SEPTIN7: variants seen among roughly 807,000 people sequenced by gnomAD.
SEPTIN7 encodes the protein septin-7.
Under a neutral mutation model 63.3 loss-of-function variants are expected in SEPTIN7, and 10 were observed. The ratio of observed to expected loss-of-function variants is 0.16; its 90% CI spans 0.10 to 0.27. SEPTIN7 has a LOEUF of 0.27. Ranked by LOEUF, SEPTIN7 falls within the 10% of genes least tolerant of loss-of-function variation. The pLI is 1.00. For synonymous variants in SEPTIN7, 131 were observed against 165.3 expected (o/e 0.79, Z 1.59); for missense variants, 310 against 521.0 (o/e 0.59, Z 3.94).
chr7:35,860,300 T>C (rs1384980010), intron 3 of SEPTIN7, among the ~76,000 whole-genome samples: 2 of 152,166 alleles, frequency 1.3e-5, no homozygotes, highest in East Asian at 1.9e-4. Flanking sequence ...TTATTATACA[T>C]TATGTACCTA....
chr7:35,827,466 C>T (rs1314482161), intron 1 of SEPTIN7, among the ~76,000 whole-genome samples: 1 of 152,028 alleles, frequency 6.6e-6, no homozygotes, highest in African/African-American at 2.4e-5. Flanking sequence ...TATGACAAGT[C>T]TATATGTTTT....
chr7:35,870,436 T>C (rs1201546797), intron 4 of SEPTIN7, among the ~76,000 whole-genome samples: 1 of 152,238 alleles, frequency 6.6e-6, no homozygotes, highest in Non-Finnish European at 1.5e-5. Context: ...AGATGATTCA[T>C]GTAGATTTAC....
chr7:35,909,672 A>G (rs1788703891), downstream of SEPTIN7, among the ~76,000 whole-genome samples: 1 of 152,236 alleles, frequency 6.6e-6, no homozygotes. Flanking sequence ...AATACAGAGC[A>G]TTCACATAGA....
intron 6 of SEPTIN7, among the ~76,000 whole-genome samples, chr7:35,874,756 T>G (rs889932269): frequency 5.3e-5 from 8 of 152,168 alleles, no homozygotes; most frequent in Non-Finnish European, 1.2e-4. Flanking sequence ...ATGTTTGCAC[T>G]GCCAGATTGT....
intron 1 of SEPTIN7, among the ~76,000 whole-genome samples, chr7:35,820,571 A>T (rs1036884380): frequency 4.6e-5 from 7 of 152,142 alleles, no homozygotes; most frequent in African/African-American, 1.2e-4. Context: ...CAGAATTTTT[A>T]AAAAATTATC....
chr7:35,853,512 T>G (rs1785061177), intron 3 of SEPTIN7, among the ~76,000 whole-genome samples: 3 of 152,172 alleles, frequency 2.0e-5, no homozygotes, highest in Admixed American at 6.5e-5. Context: ...ATAGTATGAT[T>G]AAGGACATGA....
intron 4 of SEPTIN7, among the ~76,000 whole-genome samples, chr7:35,870,277 T>C (rs1786065726): frequency 6.6e-6 from 1 of 152,202 alleles, no homozygotes; most frequent in Non-Finnish European, 1.5e-5. Context: ...ATTAAGTTGT[T>C]GAACTGATTT....
chr7:35,872,811 C>T, intron 5 of SEPTIN7, 45 bp downstream of exon 5: 1 of 1,295,732 alleles, frequency 7.7e-7, no homozygotes, highest in South Asian at 1.2e-5. Flanking sequence ...ATTTGGGGTA[C>T]TGGGGTGGTT....
At chr7:35,810,982 T>C (rs1247404795) in intron 1 of SEPTIN7, among the ~76,000 whole-genome samples, 2 of 151,726 alleles carry the variant, frequency 1.3e-5, no homozygotes, top group Non-Finnish European at 2.9e-5. Flanking sequence ...TTGGCCAGAC[T>C]GGTATCGAAC....
At chr7:35,875,145 T>C (rs1277866899) in intron 6 of SEPTIN7, among the ~76,000 whole-genome samples, 2 of 152,194 alleles carry the variant, frequency 1.3e-5, no homozygotes, top group Non-Finnish European at 2.9e-5. Flanking sequence ...TTTCCTAAAA[T>C]TGCATGGGAA....
At position 35,844,043 on chromosome 7, in the gene SEPTIN7, TC is replaced by T. The variant is rs1341689641; in HGVS notation, c.169+11145del. ...GATGAGCTCTTTCATAGCATGCTTG[TC>T]CTGGTTCAGAGGGTAAATTTTAATT... On this transcript the variant is annotated intron_variant, in intron 3 of 13. Transcript: ENST00000350320. Among the ~76,000 whole-genome samples the T allele has an allele frequency of 2.0e-5, 3 of 152,346 alleles. No homozygotes were observed. The East Asian group carries it at 5.8e-4, about 29-fold the overall frequency.
chr7:35,810,409 C>T (rs1251628204), intron 1 of SEPTIN7, among the ~76,000 whole-genome samples: 8 of 151,644 alleles, frequency 5.3e-5, no homozygotes, highest in East Asian at 3.9e-4. Flanking sequence ...TTGCCAGCTC[C>T]GCCTCCCACG....
At chr7:35,897,813 A>G (rs748731099) in intron 11 of SEPTIN7, among the ~76,000 whole-genome samples, 1 of 152,180 alleles carries the variant, frequency 6.6e-6, no homozygotes, top group Non-Finnish European at 1.5e-5. Context: ...TTGTGTTGTT[A>G]GTAGCTGTCT....
chr7:35,830,160 G>A (rs1209083791), intron 1 of SEPTIN7, among the ~76,000 whole-genome samples: 1 of 151,472 alleles, frequency 6.6e-6, no homozygotes, highest in Non-Finnish European at 1.5e-5. Flanking sequence ...CCCAGCCTGG[G>A]CAACACAGTG....
intron 1 of SEPTIN7, among the ~76,000 whole-genome samples, chr7:35,806,677 C>T (rs992022390): frequency 3.3e-5 from 5 of 152,170 alleles, no homozygotes; most frequent in African/African-American, 1.2e-4. Flanking sequence ...TTCTTGTGCC[C>T]TGTTGGAGTT....
chr7:35,810,553 G>C (rs1187256212), intron 1 of SEPTIN7, among the ~76,000 whole-genome samples: 4 of 152,036 alleles, frequency 2.6e-5, no homozygotes. Context: ...TCAATCTCCT[G>C]ACCTCATGAT....
intron 1 of SEPTIN7, among the ~76,000 whole-genome samples, chr7:35,821,717 T>C (rs531577441): frequency 2.6e-5 from 4 of 152,340 alleles, no homozygotes; most frequent in African/African-American, 9.6e-5. Flanking sequence ...CCAAAAGTCA[T>C]GTAGGAGAGT....
At chr7:35,915,102 C>T in the SEPTIN7 span, among the ~76,000 whole-genome samples, 5 of 151,314 alleles carry the variant, frequency 3.3e-5, no homozygotes, top group African/African-American at 1.2e-4. Flanking sequence ...TGCGTATGTA[C>T]ACAGGTGCAT....
chr7:35,885,907 A>C (rs751474574), intron 10 of SEPTIN7, 28 bp downstream of exon 10: 2 of 1,508,504 alleles, frequency 1.3e-6, no homozygotes, highest in East Asian at 4.5e-5. Flanking sequence ...TGGAAATAGC[A>C]TAAGATTTTC....
Sources: allele counts gnomAD v4.1 joint callset (sites outside exome capture counted in the v4.1 genomes callset), GRCh38; gene constraint gnomAD v4.1.1; transcripts MANE v1.5; gene names NCBI Gene and HGNC (gene_info 2026-07-23, HGNC 2026-07-21).